Variants in IK observed in about 807,000 individuals in gnomAD.
The protein encoded by IK is protein Red.
Under a neutral mutation model 90.9 loss-of-function variants are expected in IK, and 47 were observed. The ratio of observed to expected loss-of-function variants is 0.52; its 90% CI spans 0.41 to 0.66. IK has a LOEUF of 0.66. Ranked by LOEUF, IK falls within the 30% of genes least tolerant of loss-of-function variation. IK has a pLI of 0.00. For missense variants in IK, 385 were observed against 709.3 expected (o/e 0.54, Z 5.19); for synonymous variants, 201 against 227.5 (o/e 0.88, Z 1.05).
intron 4 of IK, 77 bp downstream of exon 4, chr5:140,652,224 C>A: frequency 9.0e-7 from 1 of 1,111,726 alleles, no homozygotes. Flanking sequence ...AATTATGAAG[C>A]TAGAAACTAA....
chr5:140,659,767 A>G lies in IK; in HGVS notation c.1207A>G (p.Thr403Ala), dbSNP rs369801270. 1.7e-5 allele frequency: 27 copies of G among 1,594,354 alleles called. No homozygotes were observed. Among genetic ancestry groups the G allele is most frequent in the Non-Finnish European group, 2.1e-5 (25 of 1,169,736 alleles). Residue 403 changes from threonine (T) to alanine (A), a missense_variant, in exon 14 of 20, where the codon ACC becomes GCC. Transcript: ENST00000417647. ...PMDVDKGPGS[T>A]KELIKSINEK... Reference sequence around the variant, plus strand: ...CTCTTTTCTCCTAGGACCTGGGTCTACCAAGGAGTTGATCAAGTCCATCAA... The same window carrying G: ...CTCTTTTCTCCTAGGACCTGGGTCTGCCAAGGAGTTGATCAAGTCCATCAA...
Position 140,654,051 on chromosome 5 carries a change from AGGTGAGTCCT to A in IK, c.519+4_519+13del. 2 of 1,578,190 alleles carry A rather than the reference AGGTGAGTCCT, an allele frequency of 1.3e-6. No individual in the cohort carries two copies. The highest frequency in any genetic ancestry group is 1.7e-6 in the Non-Finnish European group (2 of 1,147,466). On this transcript the variant is annotated splice_donor_variant and splice_donor_5th_base_variant and coding_sequence_variant and intron_variant, in exon 6 of 20. Transcript: ENST00000417647. LOFTEE classifies it high-confidence loss of function. ...GGCTTGGATTTTGCTCTGCTTCAAA[AGGTGAGTCCT>A]GGTGGTCAGGTGGGGAGTAATACTG... is the stretch of plus-strand genomic sequence containing the variant.
In IK at chr5:140,658,781, G is replaced by A. The variant is rs757382041; in HGVS notation, c.950+5G>A. 1 of 1,611,016 alleles carries A rather than the reference G, an allele frequency of 6.2e-7. No homozygotes were observed. Among genetic ancestry groups the A allele is most frequent in the South Asian group, 1.1e-5 (1 of 90,584 alleles). On this transcript the variant is annotated splice_donor_5th_base_variant and intron_variant, in intron 11 of 19. Coordinates refer to ENST00000417647, the MANE Select transcript of IK (RefSeq NM_006083.4). ...ACCTCCTGAGGCTGACATGAAGTATGTATCCTAGCCCCTGGCATCTGATCA... is the reference window on the plus strand; with the variant it reads ...ACCTCCTGAGGCTGACATGAAGTATATATCCTAGCCCCTGGCATCTGATCA...
intron 9 of IK, 123 bp downstream of exon 9, chr5:140,656,115 C>G: frequency 1.2e-6 from 1 of 823,126 alleles, no homozygotes; most frequent in Non-Finnish European, 1.9e-6. Context: ...CCTCCTAAAT[C>G]TCAACTGAAT....
At position 140,661,461 on chromosome 5, in the gene IK, TAGTA is replaced by T. The variant is rs1757801857; in HGVS notation, c.1414-154_1414-151del. On this transcript the variant is annotated intron_variant, in intron 16 of 19. Transcript: ENST00000417647. The surrounding 1 kb of genome is among the most constrained non-coding windows in gnomAD (Gnocchi z 4.2). ...AGTGTACAGAATAATGCCTGTCACATAGTAAGTATGTAATAAGCATTTATTATTA... is the reference window on the plus strand; with the variant it reads ...AGTGTACAGAATAATGCCTGTCACATAGTATGTAATAAGCATTTATTATTA... 5 of 614,042 alleles carry T rather than the reference TAGTA, an allele frequency of 8.1e-6. No homozygotes were observed. The highest frequency in any genetic ancestry group is 3.1e-5 in the Admixed American group (1 of 32,556). 38.0% of individuals were successfully genotyped at this position (614,042 alleles called of 1,614,324 possible).
chr5:140,655,580 AC>A (rs1581483041), intron 8 of IK, among the ~76,000 whole-genome samples: 1 of 152,254 alleles, frequency 6.6e-6, no homozygotes, highest in East Asian at 1.9e-4. Context: ...CTTTGGAGTT[AC>A]ATGGCCTGGT....
At chr5:140,653,283 G>GT in intron 5 of IK, 139 bp downstream of exon 5, 9 of 483,800 alleles carry the variant, frequency 1.9e-5, no homozygotes, top group South Asian at 6.7e-5. Context: ...ACAAAGGGCT[G>GT]TTCTTTTTTT....
chr5:140,654,691 G>C lies in IK; in HGVS notation c.601G>C (p.Asp201His). 1 of 1,603,374 alleles carries C rather than the reference G, an allele frequency of 6.2e-7. No individual in the cohort carries two copies. The highest frequency in any genetic ancestry group is 8.5e-7 in the Non-Finnish European group (1 of 1,172,620). Residue 201 changes from aspartate to histidine, a missense_variant, in exon 8 of 20, where the codon GAT becomes CAT. This residue lies in a region of IK where 46 missense variants were observed against 50.0 expected (regional missense o/e 0.92). Transcript: ENST00000417647. ...KPQKETKKDE[D>H]PENKIEFKTR... is the part of the protein sequence containing the mutation. ...TTTTTGTCTTTTCAGGAAAGATGAG[G>C]ATCCTGAAAATAAAATTGAATTTAA...
chr5:140,661,728 G>A lies in IK; in HGVS notation c.1502+20G>A, dbSNP rs1397379433. 5 of 1,574,414 alleles carry A rather than the reference G, an allele frequency of 3.2e-6. No homozygotes were observed. Among genetic ancestry groups the A allele is most frequent in the Non-Finnish European group, 4.3e-6 (5 of 1,151,156 alleles). ...GCCCAAGTGAGTCGGTACTGAATAT[G>A]GGCAGGGTGTGAGGAGGGGTGTGGG... On this transcript the variant is annotated intron_variant, in intron 17 of 19. Transcript: ENST00000417647. This position sits in a 1 kb window ranked among gnomAD's most constrained non-coding sequence, Gnocchi z 4.2.
intron 6 of IK, 68 bp from the exon 7 acceptor site, chr5:140,654,448 G>A (rs1393909979): frequency 3.4e-6 from 4 of 1,159,858 alleles, no homozygotes; most frequent in Non-Finnish European, 5.0e-6. Context: ...TCCTGGTACA[G>A]TGTGGTGTAG....
intron 2 of IK, among the ~76,000 whole-genome samples, chr5:140,650,407 C>T (rs571198444): frequency 4.7e-4 from 72 of 152,234 alleles, no homozygotes; most frequent in Non-Finnish European, 8.8e-5. Flanking sequence ...CAGAAGAGAG[C>T]TTTAAAGGAG....
intron 2 of IK, 114 bp from the exon 3 acceptor site, chr5:140,651,600 C>G: frequency 3.3e-6 from 2 of 607,964 alleles, no homozygotes; most frequent in South Asian, 2.1e-5. Context: ...AGTGTCATAT[C>G]TTTGTTTTAA....
In IK at chr5:140,658,783, A is replaced by T; in HGVS notation, c.950+7A>T. The T allele has an allele frequency of 6.2e-7, 1 of 1,611,000 alleles. No individual in the cohort carries two copies. Among genetic ancestry groups the T allele is most frequent in the Non-Finnish European group, 8.5e-7 (1 of 1,178,138 alleles). The stretch of plus-strand genomic sequence containing the variant: ...CTCCTGAGGCTGACATGAAGTATGT[A>T]TCCTAGCCCCTGGCATCTGATCAGA... On this transcript the variant is annotated splice_region_variant and intron_variant, in intron 11 of 19. Transcript: ENST00000417647.
In IK at chr5:140,649,611, C is replaced by T. The variant is rs115010080; in HGVS notation, c.83+1074C>T. On this transcript the variant is annotated intron_variant, in intron 2 of 19. Coordinates refer to ENST00000417647, the MANE Select transcript of IK (RefSeq NM_006083.4). ...AGTTCAATGGCATTATTTCTGCTCA[C>T]AGCAACCTTTGCCTCCTGGGCTCAA... Among the ~76,000 whole-genome samples the T allele has an allele frequency of 8.6e-3, 1,309 of 152,320 alleles. 21 individuals are homozygous for T. Among genetic ancestry groups the T allele is most frequent in the African/African-American group, 0.03 (1,241 of 41,562 alleles).
Position 140,659,197 on chromosome 5 carries a change from A to T in IK, c.1176+33A>T, listed in dbSNP as rs1185697312. 9.4e-6 allele frequency: 15 copies of T among 1,598,282 alleles called. No individual in the cohort carries two copies. The Admixed American group carries it at 2.5e-4, about 26-fold the overall frequency. On this transcript the variant is annotated intron_variant, in intron 12 of 19. Transcript: ENST00000417647. The stretch of plus-strand genomic sequence containing the variant: ...GTGGGCCCTTAGTACCAGGTGATGG[A>T]GTTGCCCCTCTCTGGAAATGTGAGC...
chr5:140,651,194 A>G lies in IK; in HGVS notation c.84-520A>G, dbSNP rs558531723. Among the ~76,000 whole-genome samples the G allele has an allele frequency of 2.9e-3, 441 of 152,212 alleles. 2 individuals are homozygous for G. Among genetic ancestry groups the G allele is most frequent in the Non-Finnish European group, 5.0e-3 (338 of 68,002 alleles). On this transcript the variant is annotated intron_variant, in intron 2 of 19. Transcript: ENST00000417647. ...TGGTCGGGCGTGGTGGCTTACACCT[A>G]TAATCCCAGCACTTTGGGAGGCTGA...
At chr5:140,648,371 C>A (rs1049521906) in intron 1 of IK, 100 bp from the exon 2 acceptor site, 13 of 1,042,820 alleles carry the variant, frequency 1.2e-5, no homozygotes, top group African/African-American at 3.1e-5. Context: ...TGTCGCTGTT[C>A]TAACTTTTGT....
Position 140,647,930 on chromosome 5 carries a change from G to T in IK, c.16+6G>T, listed in dbSNP as rs748188529. The T allele has an allele frequency of 3.1e-6, 5 of 1,613,728 alleles. No homozygotes were observed. Among genetic ancestry groups the T allele is most frequent in the Non-Finnish European group, 4.2e-6 (5 of 1,179,844 alleles). ...CAAAATGCCGGAGCGAGATAGTAAG[G>T]CTCAGGCCATCCGTTATTTCTTCCC... On this transcript the variant is annotated splice_donor_region_variant and intron_variant, in intron 1 of 19. Transcript: ENST00000417647.
At chr5:140,651,538 C>T (rs1757615790) in intron 2 of IK, among the ~76,000 whole-genome samples, 176 bp from the exon 3 acceptor site, 1 of 150,338 alleles carries the variant, frequency 6.7e-6, no homozygotes, top group Admixed American at 6.6e-5. Context: ...AGTTCAAGAC[C>T]AGCCTGGCCA....
Sources: gnomAD v4.1 joint callset for allele counts (sites outside exome capture counted in the v4.1 genomes callset) on GRCh38, gnomAD v4.1.1 for gene constraint, gnomAD v4.1.1 regional missense constraint, Gnocchi (gnomAD v3.1) non-coding constraint, MANE v1.5 for transcripts, NCBI Gene and HGNC (gene_info 2026-07-23, HGNC 2026-07-21) for gene names.